The following TAFA2 variants were observed in gnomAD, a reference collection of about 807,000 sequenced individuals.
TAFA2 encodes the protein TAFA chemokine like family member 2.
In TAFA2, 7 loss-of-function variants were observed where a neutral mutation model predicts 18.8. The ratio of observed to expected loss-of-function variants is 0.37; its 90% CI spans 0.21 to 0.70. TAFA2 has a LOEUF of 0.70. TAFA2 is among the 30% of genes least tolerant of loss of function. The pLI is 0.53. For missense variants in TAFA2, 122 were observed against 158.1 expected, an observed-to-expected ratio of 0.77 and a Z score of 1.23; for synonymous variants, 60 against 54.2, an observed-to-expected ratio of 1.11 and a Z score of -0.47.
intron 1 of TAFA2, among the ~76,000 whole-genome samples, chr12:61,959,554 A>C (rs1338354134): frequency 6.6e-6 from 1 of 152,066 alleles, no homozygotes; most frequent in Non-Finnish European, 1.5e-5. Context: ...GTTTTTATTC[A>C]ATTATAAATG....
At chr12:61,922,103 T>G (rs1179997927) in intron 1 of TAFA2, among the ~76,000 whole-genome samples, 1 of 138,406 alleles carries the variant, frequency 7.2e-6, no homozygotes, top group African/African-American at 3.4e-5. Context: ...TTCGATTTTG[T>G]GTAGAAGAGG....
At chr12:61,860,361 T>C (rs1183444477) in intron 2 of TAFA2, among the ~76,000 whole-genome samples, 1 of 152,208 alleles carries the variant, frequency 6.6e-6, no homozygotes, top group Admixed American at 6.5e-5. Flanking sequence ...TTCTTTCTCT[T>C]AGGACATTAA....
chr12:61,919,486 T>C (rs1876961645), intron 1 of TAFA2, among the ~76,000 whole-genome samples: 1 of 152,142 alleles, frequency 6.6e-6, no homozygotes, highest in Non-Finnish European at 1.5e-5. Flanking sequence ...ATTAGTCAAT[T>C]TAGGTAAAAT....
chr12:61,837,714 C>T (rs190156765), intron 2 of TAFA2, among the ~76,000 whole-genome samples: 13 of 152,070 alleles, frequency 8.5e-5, no homozygotes, highest in Non-Finnish European at 1.9e-4. Context: ...AATATAGCTG[C>T]TGCGTTCCTG....
At chr12:62,052,847 G>C (rs1882092852) in intron 1 of TAFA2, among the ~76,000 whole-genome samples, 1 of 152,204 alleles carries the variant, frequency 6.6e-6, no homozygotes, top group South Asian at 2.1e-4. Context: ...AAGAGTGCAA[G>C]TTTAAAATCA....
intron 1 of TAFA2, among the ~76,000 whole-genome samples, chr12:62,062,629 T>C (rs2136790393): frequency 6.6e-6 from 1 of 152,284 alleles, no homozygotes; most frequent in Non-Finnish European, 1.5e-5. Flanking sequence ...TAACACAAAC[T>C]TAGTGACTTA....
chr12:61,852,263 G>A (rs540458613), intron 2 of TAFA2, among the ~76,000 whole-genome samples: 3 of 152,098 alleles, frequency 2.0e-5, no homozygotes, highest in South Asian at 4.1e-4. Flanking sequence ...TATAGAGATG[G>A]AGGATGATGG....
intron 1 of TAFA2, among the ~76,000 whole-genome samples, chr12:61,972,653 A>G (rs1879289524): frequency 6.6e-6 from 1 of 151,720 alleles, no homozygotes; most frequent in South Asian, 2.1e-4. Flanking sequence ...TGGAAAGAGA[A>G]CAACAAGTAC....
chr12:62,169,459 C>T (rs1435736278), intron 1 of TAFA2, among the ~76,000 whole-genome samples: 1 of 151,992 alleles, frequency 6.6e-6, no homozygotes, highest in East Asian at 1.9e-4. Flanking sequence ...GCCTTAAATA[C>T]GTATTTAGTA....
At chr12:62,257,421 C>G (rs2062946143) in intron 1 of TAFA2, among the ~76,000 whole-genome samples, 1 of 152,078 alleles carries the variant, frequency 6.6e-6, no homozygotes, top group African/African-American at 2.4e-5. Flanking sequence ...TAACTCTCTC[C>G]TGGAGTATTT....
chr12:62,229,678 T>C (rs1245981278), intron 1 of TAFA2, among the ~76,000 whole-genome samples: 1 of 152,108 alleles, frequency 6.6e-6, no homozygotes, highest in Non-Finnish European at 1.5e-5. Flanking sequence ...TTTCTTTTTT[T>C]TTTAATTGTG....
intron 1 of TAFA2, among the ~76,000 whole-genome samples, chr12:62,151,352 G>C (rs1700884346): frequency 6.6e-6 from 1 of 152,218 alleles, no homozygotes; most frequent in South Asian, 2.1e-4. Flanking sequence ...TTGCGGGTTA[G>C]TCCTTGGTTG....
chr12:61,754,745 C>A, intron 3 of TAFA2, 127 bp downstream of exon 3: 1 of 910,116 alleles, frequency 1.1e-6, no homozygotes, highest in Admixed American at 3.1e-5. Flanking sequence ...ATTCTAGTTT[C>A]AACTTATCAT....
At chr12:61,992,962 C>T (rs1425148782) in intron 1 of TAFA2, among the ~76,000 whole-genome samples, 1 of 152,158 alleles carries the variant, frequency 6.6e-6, no homozygotes, top group Non-Finnish European at 1.5e-5. Flanking sequence ...CATGTCAAAC[C>T]TTCATGAAAA....
chr12:61,767,338 T>C (rs1345950480), intron 2 of TAFA2, among the ~76,000 whole-genome samples: 1 of 152,104 alleles, frequency 6.6e-6, no homozygotes, highest in Admixed American at 6.6e-5. Flanking sequence ...TATTGTACAG[T>C]GTGATATGTA....
chr12:62,104,739 T>C lies in TAFA2; in HGVS notation c.-2+86520A>G, dbSNP rs1186028606. The C allele has an allele frequency of 2.2e-5, 10 of 455,178 alleles. No homozygotes were observed. The East Asian group carries it at 6.3e-4, about 29-fold the overall frequency. The allele number at this position is 455,178 out of a possible 1,614,324, so 28.2% of individuals were successfully genotyped here. A position where few individuals can be genotyped will look rare whatever the true frequency, so the allele number is the denominator to read the frequency against. ...TTTGTCATGCACGCTTCATCCTAAA[T>C]TTACCTGGTAATCGGGGTGACCATC... is the stretch of plus-strand genomic sequence containing the variant. On this transcript the variant is annotated intron_variant, in intron 1 of 4. Coordinates refer to ENST00000416284, the MANE Select transcript of TAFA2 (RefSeq NM_178539.5).
intron 1 of TAFA2, among the ~76,000 whole-genome samples, chr12:62,154,158 C>T (rs1250888569): frequency 6.6e-6 from 1 of 151,980 alleles, no homozygotes; most frequent in Admixed American, 6.6e-5. Context: ...ACAAGAAGTC[C>T]AGGAGTAAAG....
Position 61,838,488 on chromosome 12 carries a change from C to A in TAFA2, c.106+28832G>T, listed in dbSNP as rs202143752. Among the ~76,000 whole-genome samples, 34 of 152,102 alleles carry A rather than the reference C, an allele frequency of 2.2e-4. No homozygotes were observed. In the East Asian group the frequency reaches 6.6e-3, roughly 30 times the overall value. On this transcript the variant is annotated intron_variant, in intron 2 of 4. Coordinates refer to ENST00000416284, the MANE Select transcript of TAFA2 (RefSeq NM_178539.5). ...CAAGGCTAAAAGCAGACAGAAGACA[C>A]TGAAAGAATCCTTCGGGATGGAAAG...
chr12:62,076,836 T>C (rs756094071), intron 1 of TAFA2, among the ~76,000 whole-genome samples: 7 of 152,224 alleles, frequency 4.6e-5, no homozygotes, highest in Admixed American at 1.3e-4. Flanking sequence ...GACAGCTTCT[T>C]TGAAGGCCCT....
Sources: allele counts gnomAD v4.1 joint callset (sites outside exome capture counted in the v4.1 genomes callset), GRCh38; gene constraint gnomAD v4.1.1; transcripts MANE v1.5; gene names NCBI Gene and HGNC (gene_info 2026-07-23, HGNC 2026-07-21).